Variants in BRSK1 observed in about 807,000 individuals in gnomAD.
BRSK1 encodes serine/threonine-protein kinase BRSK1.
BRSK1 carries 17 observed loss-of-function variants against 86.2 expected under a neutral mutation model. That is an observed-to-expected ratio of 0.20 (90% CI 0.14 to 0.30). BRSK1 has a LOEUF of 0.30. Among genes scored for constraint, BRSK1 ranks in the 10% least tolerant of loss-of-function variants. The probability of loss-of-function intolerance (pLI) is 1.00; values close to 1 mark genes in which losing one functional copy is unlikely to be tolerated. For synonymous variants in BRSK1, 464 were observed against 440.1 expected (o/e 1.05, Z -0.68); for missense variants, 719 against 1,071.9 (o/e 0.67, Z 4.60).
chr19:55,286,913 G>T, intron 1 of BRSK1, 94 bp from the exon 2 acceptor site: 2 of 1,137,334 alleles, frequency 1.8e-6, no homozygotes, highest in South Asian at 2.5e-5. Flanking sequence ...CAGCCCAGGA[G>T]GAAGGAGCAA....
rs1276192885 is a variant in BRSK1, at chr19:55,304,464, G to A, written c.1348-87G>A. The A allele has an allele frequency of 1.4e-6, 2 of 1,408,806 alleles. No individual in the cohort carries two copies. Among genetic ancestry groups the A allele is most frequent in the Non-Finnish European group, 1.9e-6 (2 of 1,063,288 alleles). The allele number at this position is 1,408,806 out of a possible 1,614,324, so 87.3% of individuals were successfully genotyped here. On this transcript the variant is annotated intron_variant, in intron 13 of 18. Coordinates refer to ENST00000309383, the MANE Select transcript of BRSK1 (RefSeq NM_032430.2). The surrounding 1 kb of genome is among the most constrained non-coding windows in gnomAD (Gnocchi z 5.2). ...AAGTTGCAGCATGCACCGGGCCAGC[G>A]TCCGTGAGTGTGCGTGTGAGTGGGG...
intron 7 of BRSK1, among the ~76,000 whole-genome samples, chr19:55,300,498 T>C (rs977091827): frequency 2.6e-5 from 4 of 152,064 alleles, no homozygotes; most frequent in Non-Finnish European, 5.9e-5. Context: ...AGGTCAGGAC[T>C]TCAAGACCAG....
At chr19:55,288,469 G>A (rs1474148963) in intron 3 of BRSK1, among the ~76,000 whole-genome samples, 1 of 111,798 alleles carries the variant, frequency 8.9e-6, no homozygotes, top group Non-Finnish European at 1.7e-5. Flanking sequence ...GCAAGACTCT[G>A]TCTCAAAAAA....
intron 7 of BRSK1, among the ~76,000 whole-genome samples, chr19:55,299,907 C>T (rs1298634210): frequency 6.6e-6 from 1 of 152,152 alleles, no homozygotes; most frequent in Non-Finnish European, 1.5e-5. Flanking sequence ...GAGCTTGCAA[C>T]ACCCGGAAAA....
Position 55,284,294 on chromosome 19 carries a change from G to A in BRSK1, c.-149G>A, listed in dbSNP as rs1248688446. On this transcript the variant is annotated 5_prime_UTR_variant, in exon 1 of 19. Transcript: ENST00000309383. Reference sequence around the variant, plus strand: ...GCTCCGCGGCCCGCCGACTGGGGGGGGCCAGCCCAGCCCCCTGGGGACCCC... The same window carrying A: ...GCTCCGCGGCCCGCCGACTGGGGGGAGCCAGCCCAGCCCCCTGGGGACCCC... The A allele has an allele frequency of 1.6e-6, 1 of 640,798 alleles. No homozygotes were observed. 39.7% of individuals were successfully genotyped at this position (640,798 alleles called of 1,614,324 possible).
chr19:55,304,222 G>T lies in BRSK1; in HGVS notation c.1347+112G>T. 1.7e-6 allele frequency: 2 copies of T among 1,177,674 alleles called. No individual in the cohort carries two copies. Among genetic ancestry groups the T allele is most frequent in the Admixed American group, 5.2e-5 (2 of 38,544 alleles). The allele number at this position is 1,177,674 out of a possible 1,614,324, so 73.0% of individuals were successfully genotyped here. A position where few individuals can be genotyped will look rare whatever the true frequency, so the allele number is the denominator to read the frequency against. On this transcript the variant is annotated intron_variant, in intron 13 of 18. Coordinates refer to ENST00000309383, the MANE Select transcript of BRSK1 (RefSeq NM_032430.2). This position sits in a 1 kb window ranked among gnomAD's most constrained non-coding sequence, Gnocchi z 5.2. ...GTGCAGTCTTGAGACTTGCTTCTTT[G>T]TCCCTGGAGGGCCAAAGACCCAAGG...
chr19:55,285,500 A>G (rs2122922930), intron 1 of BRSK1, among the ~76,000 whole-genome samples: 1 of 152,192 alleles, frequency 6.6e-6, no homozygotes, highest in East Asian at 1.9e-4. Flanking sequence ...TTCCCTCCCC[A>G]CTGTCCTCTG....
rs1003084352 is a variant in BRSK1 at position 55,302,926 on chromosome 19, C to T, written c.1028+59C>T. The stretch of plus-strand genomic sequence containing the variant: ...ACGTGGGGCGAGCTGCAGCAGCTCC[C>T]TGCGCACATGCAGAGTGCTGGGCGA... On this transcript the variant is annotated intron_variant, in intron 10 of 18. Transcript: ENST00000309383. This position sits in a 1 kb window ranked among gnomAD's most constrained non-coding sequence, Gnocchi z 6.3. 5 of 1,573,048 alleles carry T rather than the reference C, an allele frequency of 3.2e-6. No homozygotes were observed. The highest frequency in any genetic ancestry group is 4.4e-4 in the Middle Eastern group (2 of 4,550).
Position 55,312,014 on chromosome 19 carries a change from A to G in BRSK1, c.2283A>G (p.Arg761=). The G allele has an allele frequency of 1.4e-6, 2 of 1,462,980 alleles. No homozygotes were observed. Among genetic ancestry groups the G allele is most frequent in the Non-Finnish European group, 1.8e-6 (2 of 1,100,098 alleles). The allele number at this position is 1,462,980 out of a possible 1,614,324, so 90.6% of individuals were successfully genotyped here. A position where few individuals can be genotyped will look rare whatever the true frequency, so the allele number is the denominator to read the frequency against. Residue 761 remains arginine, a synonymous_variant, in exon 19 of 19, where the codon CGA becomes CGG. Transcript: ENST00000309383. ...CAGAGCTGAGCAGCTCTCCCCGCCG[A>G]GGCCCCCCCAAGGACAAGAAGCTCC... The part of the protein sequence containing the change: ...PDPELSSSPR[R]GPPKDKKLLA...
intron 4 of BRSK1, among the ~76,000 whole-genome samples, chr19:55,292,525 G>C (rs1197588678): frequency 6.6e-6 from 1 of 152,018 alleles, no homozygotes. Context: ...GGGCACGTTT[G>C]TGATTGTCTA....
Position 55,294,815 on chromosome 19 carries a change from A to G in BRSK1, c.678+418A>G, listed in dbSNP as rs1233628080. On this transcript the variant is annotated intron_variant, in intron 7 of 18. Transcript: ENST00000309383. This position sits in a 1 kb window ranked among gnomAD's most constrained non-coding sequence, Gnocchi z 4.9. ...CTGAACCCGGCCTATTTATTTATGT[A>G]TTTTGAGACAGAGTCTTGCTCTGTT... Among the ~76,000 whole-genome samples the G allele has an allele frequency of 6.6e-6, 1 of 151,096 alleles. No individual in the cohort carries two copies. The highest frequency in any genetic ancestry group is 1.5e-5 in the Non-Finnish European group (1 of 67,796).
Position 55,302,387 on chromosome 19 carries a change from T to G in BRSK1, c.857+219T>G. The G allele has an allele frequency of 1.6e-6, 1 of 615,812 alleles. No homozygotes were observed. Among genetic ancestry groups the G allele is most frequent in the Non-Finnish European group, 2.8e-6 (1 of 352,562 alleles). The allele number at this position is 615,812 out of a possible 1,614,324, so 38.1% of individuals were successfully genotyped here. ...GCTAGGAGTCCAGGACTCCCAGGTT[T>G]GAGGGAAAAAGGGACTGGGGGCCTG... is the stretch of plus-strand genomic sequence containing the variant. On this transcript the variant is annotated intron_variant, in intron 9 of 18. Coordinates refer to ENST00000309383, the MANE Select transcript of BRSK1 (RefSeq NM_032430.2). This position sits in a 1 kb window ranked among gnomAD's most constrained non-coding sequence, Gnocchi z 6.3.
At chr19:55,293,224 G>A (rs1477040734) in intron 4 of BRSK1, among the ~76,000 whole-genome samples, 1 of 152,062 alleles carries the variant, frequency 6.6e-6, no homozygotes, top group African/African-American at 2.4e-5. Flanking sequence ...GGCCTGGCGC[G>A]GTGGCTCATG....
intron 18 of BRSK1, among the ~76,000 whole-genome samples, chr19:55,309,313 G>A (rs897506514): frequency 2.6e-5 from 4 of 152,104 alleles, no homozygotes; most frequent in Admixed American, 1.3e-4. Flanking sequence ...TGGGGAATCC[G>A]GCCTTCCCGG....
Position 55,289,483 on chromosome 19 carries a change from C to T in BRSK1, c.321C>T (p.Tyr107=), listed in dbSNP as rs111860337. Residue 107 remains tyrosine (Y), a synonymous_variant, in exon 4 of 19, where the codon TAC becomes TAT. Coordinates refer to ENST00000309383, the MANE Select transcript of BRSK1 (RefSeq NM_032430.2). ...CTGCCCCCTCTATATCCTTTAGGTACCTGGTTCTGGAGCACGTCTCGGGGG... is the reference window on the plus strand; with the variant it reads ...CTGCCCCCTCTATATCCTTTAGGTATCTGGTTCTGGAGCACGTCTCGGGGG... ...HDVYENKKYL[Y]LVLEHVSGGE... 1.2e-6 allele frequency: 2 copies of T among 1,612,244 alleles called. No homozygotes were observed. Among genetic ancestry groups the T allele is most frequent in the African/African-American group, 1.3e-5 (1 of 74,872 alleles).
chr19:55,287,420 G>T lies in BRSK1; in HGVS notation c.317+121G>T, dbSNP rs561185548. On this transcript the variant is annotated intron_variant, in intron 3 of 18. Transcript: ENST00000309383. The surrounding 1 kb of genome is among the most constrained non-coding windows in gnomAD (Gnocchi z 5.3). The stretch of plus-strand genomic sequence containing the variant: ...GACCTGCAGCTCTCCAGGCTGGACC[G>T]CTGAAGGCCCAGTTCCTTGCCTGTT... 4 of 871,158 alleles carry T rather than the reference G, an allele frequency of 4.6e-6. No individual in the cohort carries two copies. The East Asian group carries it at 1.0e-4, about 22-fold the overall frequency. 54.0% of individuals were successfully genotyped at this position (871,158 alleles called of 1,614,324 possible). A position where few individuals can be genotyped will look rare whatever the true frequency, so the allele number is the denominator to read the frequency against.
intron 4 of BRSK1, among the ~76,000 whole-genome samples, chr19:55,290,276 G>A (rs978601494): frequency 2.6e-5 from 4 of 152,112 alleles, no homozygotes; most frequent in Admixed American, 6.5e-5. Context: ...GATTACAGGC[G>A]TGAGCCACCA....
rs1006353038 is a variant in BRSK1 at position 55,302,961 on chromosome 19, G to T, written c.1028+94G>T. ...GCAGAGTGCTGGGCGAGGAACCCTG[G>T]CCTCTCATGGGGCATGGTTTGAAGC... On this transcript the variant is annotated intron_variant, in intron 10 of 18. Coordinates refer to ENST00000309383, the MANE Select transcript of BRSK1 (RefSeq NM_032430.2). This position sits in a 1 kb window ranked among gnomAD's most constrained non-coding sequence, Gnocchi z 6.3. 4 of 1,482,918 alleles carry T rather than the reference G, an allele frequency of 2.7e-6. No homozygotes were observed. Among genetic ancestry groups the T allele is most frequent in the Non-Finnish European group, 2.7e-6 (3 of 1,103,630 alleles). The allele number at this position is 1,482,918 out of a possible 1,614,324, so 91.9% of individuals were successfully genotyped here. A position where few individuals can be genotyped will look rare whatever the true frequency, so the allele number is the denominator to read the frequency against.
intron 3 of BRSK1, among the ~76,000 whole-genome samples, chr19:55,288,232 A>AG (rs1390601130): frequency 2.6e-5 from 4 of 152,042 alleles, no homozygotes; most frequent in African/African-American, 9.7e-5. Flanking sequence ...TGTAATCTCA[A>AG]CACTTTGGGA....
Sources: gnomAD v4.1 joint callset for allele counts (sites outside exome capture counted in the v4.1 genomes callset) on GRCh38, gnomAD v4.1.1 for gene constraint, Gnocchi (gnomAD v3.1) non-coding constraint, MANE v1.5 for transcripts, NCBI Gene and HGNC (gene_info 2026-07-23, HGNC 2026-07-21) for gene names.